CSPP1: variants seen among roughly 807,000 people sequenced by gnomAD.
CSPP1 encodes centrosome and spindle pole associated protein 1.
CSPP1 carries 126 observed loss-of-function variants against 164.4 expected under a neutral mutation model. The ratio of observed to expected loss-of-function variants is 0.77; its 90% CI spans 0.66 to 0.89. The LOEUF is 0.89. CSPP1 is among the 40% of genes least tolerant of loss of function. The pLI is 0.00. For synonymous variants in CSPP1, 472 were observed against 476.7 expected (o/e 0.99, Z 0.13); for missense variants, 1,395 against 1,449.8 (o/e 0.96, Z 0.61).
chr8:67,168,180 G>A lies in CSPP1; in HGVS notation c.2828+3672G>A, dbSNP rs527283335. Among the ~76,000 whole-genome samples, 621 of 152,180 alleles carry A rather than the reference G, an allele frequency of 4.1e-3. 4 individuals are homozygous for A. The highest frequency in any genetic ancestry group is 6.8e-3 in the Non-Finnish European group (460 of 68,000). ...GGCGTGGTGGCGCGCGCCTATAATC[G>A]CAGGCACTTGGCAGGCTGAGGCAGG... On this transcript the variant is annotated intron_variant, in intron 24 of 30. Coordinates refer to ENST00000678616, the MANE Select transcript of CSPP1 (RefSeq NM_001382391.1).
chr8:67,083,543 A>AT (rs1207496313), intron 3 of CSPP1: 4 of 134,144 alleles, frequency 3.0e-5, no homozygotes, highest in South Asian at 2.3e-4. Context: ...AAAAAAAAAA[A>AT]AAAAAATATA....
chr8:67,141,018 G>A (rs1823385025), intron 17 of CSPP1, among the ~76,000 whole-genome samples: 1 of 152,134 alleles, frequency 6.6e-6, no homozygotes, highest in Non-Finnish European at 1.5e-5. Flanking sequence ...AGCCATATGG[G>A]CAATCTTTGC....
chr8:67,075,474 G>C (rs1262327004), intron 2 of CSPP1, among the ~76,000 whole-genome samples: 1 of 152,174 alleles, frequency 6.6e-6, no homozygotes, highest in Non-Finnish European at 1.5e-5. Context: ...CATTTATTGA[G>C]TACTAGCTAT....
In CSPP1 at chr8:67,158,556, A is replaced by T; in HGVS notation, c.2351A>T (p.Tyr784Phe). 6.2e-7 allele frequency: 1 copy of T among 1,610,758 alleles called. No homozygotes were observed. The highest frequency in any genetic ancestry group is 8.5e-7 in the Non-Finnish European group (1 of 1,178,102). Residue 784 changes from tyrosine to phenylalanine, a missense_variant, in exon 20 of 31, where the codon TAT becomes TTT. Coordinates refer to ENST00000678616, the MANE Select transcript of CSPP1 (RefSeq NM_001382391.1). ...AEQRARIQQE[Y>F]EEEQEKKREK... Reference sequence around the variant, plus strand: ...CAGAGGGCACGAATTCAGCAGGAGTATGAAGAGGAACAGGAAAAGAAAAGA... The same window carrying T: ...CAGAGGGCACGAATTCAGCAGGAGTTTGAAGAGGAACAGGAAAAGAAAAGA...
intron 8 of CSPP1, 43 bp downstream of exon 8, chr8:67,103,178 G>A (rs1315967925): frequency 2.5e-6 from 3 of 1,206,324 alleles, no homozygotes; most frequent in Admixed American, 1.8e-5. Context: ...TCATTACATT[G>A]TGAAACAGAA....
chr8:67,179,014 A>G (rs1015760357), intron 27 of CSPP1, among the ~76,000 whole-genome samples: 3 of 152,214 alleles, frequency 2.0e-5, no homozygotes, highest in Non-Finnish European at 4.4e-5. Flanking sequence ...CTTTCTGATT[A>G]AAGAATGCAG....
chr8:67,189,337 A>G (rs1835552601), intron 28 of CSPP1, among the ~76,000 whole-genome samples: 1 of 152,224 alleles, frequency 6.6e-6, no homozygotes, highest in African/African-American at 2.4e-5. Flanking sequence ...ACCTTTATTC[A>G]TAATTGCTAA....
intron 19 of CSPP1, among the ~76,000 whole-genome samples, chr8:67,156,237 A>G (rs953266408): frequency 3.3e-5 from 5 of 151,914 alleles, no homozygotes; most frequent in African/African-American, 1.2e-4. Flanking sequence ...ACATACAACT[A>G]ATACACAGAC....
At chr8:67,191,916 CTT>C (rs1416508486) in intron 29 of CSPP1, among the ~76,000 whole-genome samples, 2 of 152,022 alleles carry the variant, frequency 1.3e-5, no homozygotes, top group Non-Finnish European at 2.9e-5. Context: ...CACTTAGTGT[CTT>C]TTGATTTTAG....
At chr8:67,086,769 G>T in intron 4 of CSPP1, 1 of 1,007,826 alleles carries the variant, frequency 9.9e-7, no homozygotes, top group Non-Finnish European at 1.4e-6. Context: ...CACATGGAGA[G>T]AATGAACTTT....
At chr8:67,153,151 G>T (rs1049821268) in intron 18 of CSPP1, among the ~76,000 whole-genome samples, 2 of 152,074 alleles carry the variant, frequency 1.3e-5, no homozygotes, top group Admixed American at 1.3e-4. Flanking sequence ...GCAGTGAGCC[G>T]AGATCATGCC....
intron 2 of CSPP1, 56 bp downstream of exon 2, chr8:67,074,407 C>G (rs553171553): frequency 9.5e-7 from 1 of 1,054,110 alleles, no homozygotes; most frequent in Non-Finnish European, 1.4e-6. Flanking sequence ...ATGGAGATTA[C>G]TCCTGTGTAA....
chr8:67,141,032 A>G (rs185140351), intron 17 of CSPP1, among the ~76,000 whole-genome samples: 9 of 152,370 alleles, frequency 5.9e-5, no homozygotes, highest in Non-Finnish European at 1.0e-4. Context: ...TCTTTGCTAC[A>G]GTAAATTTAA....
chr8:67,139,151 A>G (rs577470158), intron 17 of CSPP1, among the ~76,000 whole-genome samples: 2 of 152,318 alleles, frequency 1.3e-5, no homozygotes, highest in East Asian at 3.9e-4. Context: ...AATTTAGAAG[A>G]AAAAAACAAC....
At chr8:67,187,644 A>C (rs1835041612) in intron 28 of CSPP1, among the ~76,000 whole-genome samples, 1 of 152,112 alleles carries the variant, frequency 6.6e-6, no homozygotes, top group Non-Finnish European at 1.5e-5. Context: ...TGATCACGCC[A>C]CTAAACTCCA....
Position 67,141,127 on chromosome 8 carries a change from T to C in CSPP1, c.1975+3524T>C, listed in dbSNP as rs541989971. On this transcript the variant is annotated intron_variant, in intron 17 of 30. Transcript: ENST00000678616. The stretch of plus-strand genomic sequence containing the variant: ...ATTGGAAAACATTGGGATAGAGCAG[T>C]TTTCTAAAATCTTACCTCTAAGATT... Among the ~76,000 whole-genome samples, 12 of 152,272 alleles carry C rather than the reference T, an allele frequency of 7.9e-5. No homozygotes were observed. The South Asian group carries it at 2.5e-3, about 32-fold the overall frequency.
intron 7 of CSPP1, among the ~76,000 whole-genome samples, chr8:67,102,578 G>A (rs949239523): frequency 1.3e-5 from 2 of 152,034 alleles, no homozygotes; most frequent in African/African-American, 4.8e-5. Context: ...GACACAGCAA[G>A]ACTCCGTCTC....
intron 4 of CSPP1, among the ~76,000 whole-genome samples, chr8:67,086,521 A>G (rs990279019): frequency 6.6e-6 from 1 of 152,108 alleles, no homozygotes. Context: ...ATAAAATTAC[A>G]TTTAATTATT....
At chr8:67,146,303 T>C (rs1320687770) in intron 17 of CSPP1, among the ~76,000 whole-genome samples, 3 of 151,946 alleles carry the variant, frequency 2.0e-5, no homozygotes, top group African/African-American at 7.3e-5. Context: ...ACAAAATTTT[T>C]TTTAGAGACA....
Sources: allele counts gnomAD v4.1 joint callset (sites outside exome capture counted in the v4.1 genomes callset), GRCh38; gene constraint gnomAD v4.1.1; transcripts MANE v1.5; gene names NCBI Gene and HGNC (gene_info 2026-07-23, HGNC 2026-07-21).